The following ACACA variants were observed in gnomAD, a reference collection of about 807,000 sequenced individuals.
ACACA encodes the protein acetyl-CoA carboxylase 1.
In ACACA, 103 loss-of-function variants were observed where a neutral mutation model predicts 296.1. The ratio of observed to expected loss-of-function variants is 0.35; its 90% confidence interval spans 0.30 to 0.41. The LOEUF is 0.41. Among genes scored for constraint, ACACA ranks in the 10% least tolerant of loss-of-function variants. ACACA has a pLI of 1.00. For missense variants in ACACA, 1,554 were observed against 2,989.7 expected (o/e 0.52, Z 11.20); for synonymous variants, 953 against 1,038.6 (o/e 0.92, Z 1.58).
intron 39 of ACACA, among the ~76,000 whole-genome samples, chr17:37,185,323 C>T (rs990351314): frequency 6.6e-6 from 1 of 151,328 alleles, no homozygotes; most frequent in Non-Finnish European, 1.5e-5. Context: ...GCCTCAAACT[C>T]CGGGGCCCAA....
intron 1 of ACACA, among the ~76,000 whole-genome samples, chr17:37,351,380 T>C (rs1347996774): frequency 6.6e-6 from 1 of 152,158 alleles, no homozygotes; most frequent in African/African-American, 2.4e-5. Flanking sequence ...CGAGAATTGC[T>C]TGAACCCAGG....
In ACACA at chr17:37,129,421, A is replaced by G. The variant is rs752470706; in HGVS notation, c.5888T>C (p.Val1963Ala). 1 of 1,613,996 alleles carries G rather than the reference A, an allele frequency of 6.2e-7. No individual in the cohort carries two copies. Among genetic ancestry groups the G allele is most frequent in the African/African-American group, 1.3e-5 (1 of 74,920 alleles). ...AGGATCGTATGGGGTCTTTGTGGGA[A>G]CAAACTCGATGATTCTGTCTATAGG... Reference protein sequence around the residue: ...KDPIDRIIEFVPTKTPYDPRW... With the variant: ...KDPIDRIIEFAPTKTPYDPRW... Residue 1963 changes from valine to alanine, a missense_variant, in exon 47 of 56, where the codon GTT (valine) becomes GCT (alanine). Val to Ala is a moderately conservative substitution (Grantham distance 64, BLOSUM62 0). Transcript: ENST00000616317.
intron 22 of ACACA, among the ~76,000 whole-genome samples, chr17:37,243,104 T>A (rs1402192433): frequency 6.6e-6 from 1 of 152,134 alleles, no homozygotes. Flanking sequence ...TGAAAATACC[T>A]CTAATTAGGG....
At chr17:37,317,104 G>A (rs907893264) in intron 3 of ACACA, among the ~76,000 whole-genome samples, 6 of 150,532 alleles carry the variant, frequency 4.0e-5, no homozygotes, top group African/African-American at 9.7e-5. Flanking sequence ...GATTTGCAAT[G>A]ACATGAGAAA....
Position 37,245,003 on chromosome 17 carries a change from T to C in ACACA, c.2595+77A>G, listed in dbSNP as rs563665956. 2.8e-5 allele frequency: 45 copies of C among 1,598,220 alleles called. No individual in the cohort carries two copies. In the African/African-American group the frequency reaches 5.9e-4, roughly 21 times the overall value. ...AAAGAAAACACTGGCAAACCAAGCA[T>C]TGAAATCACTTGCCTCTCCAAACCA... On this transcript the variant is annotated intron_variant, in intron 20 of 55. Coordinates refer to ENST00000616317, the MANE Select transcript of ACACA (RefSeq NM_198834.3).
At chr17:37,231,075 G>C (rs868749699) in intron 25 of ACACA, among the ~76,000 whole-genome samples, 2 of 152,092 alleles carry the variant, frequency 1.3e-5, no homozygotes, top group African/African-American at 4.8e-5. Context: ...ATGATAAAAC[G>C]TTAAACCCAT....
chr17:37,110,471 G>C (rs2073920422), intron 52 of ACACA, among the ~76,000 whole-genome samples: 1 of 152,230 alleles, frequency 6.6e-6, no homozygotes, highest in Admixed American at 6.5e-5. Context: ...AGACTGTGGT[G>C]AGTTAGAGTT....
chr17:37,193,447 T>C, intron 35 of ACACA, 32 bp from the exon 36 acceptor site: 2 of 1,521,276 alleles, frequency 1.3e-6, no homozygotes, highest in South Asian at 2.2e-5. Flanking sequence ...AATGTGTCAG[T>C]AGTTCATAGA....
At chr17:37,212,641 CT>C (rs1006655517) in intron 29 of ACACA, among the ~76,000 whole-genome samples, 165 of 145,372 alleles carry the variant, frequency 1.1e-3, no homozygotes, top group Non-Finnish European at 1.5e-3. Context: ...TACATGTTTT[CT>C]TTTTTTTTTT....
At chr17:37,281,058 CT>C (rs34828277) in intron 5 of ACACA, among the ~76,000 whole-genome samples, 1,811 of 136,866 alleles carry the variant, frequency 0.013, 21 homozygotes, top group African/African-American at 0.034. Flanking sequence ...GTCTTTCTCT[CT>C]TTTTTTTTTT....
At chr17:37,162,755 G>A in intron 41 of ACACA, 1 of 203,384 alleles carries the variant, frequency 4.9e-6, no homozygotes, top group Non-Finnish European at 1.0e-5. Flanking sequence ...TCTGGTACTT[G>A]GTATCTCAGC....
At chr17:37,290,138 C>T (rs552492079) in intron 3 of ACACA, among the ~76,000 whole-genome samples, 205 of 152,250 alleles carry the variant, frequency 1.3e-3, no homozygotes, top group South Asian at 4.6e-3. Context: ...ACCTCCGCCT[C>T]CCAGGTTCAA....
At chr17:37,286,285 G>A (rs1311420415) in intron 3 of ACACA, among the ~76,000 whole-genome samples, 1 of 152,192 alleles carries the variant, frequency 6.6e-6, no homozygotes, top group Non-Finnish European at 1.5e-5. Flanking sequence ...AGTGGAAACA[G>A]CACAGGCCTG....
intron 33 of ACACA, among the ~76,000 whole-genome samples, chr17:37,204,763 A>G (rs1168568950): frequency 6.6e-6 from 1 of 152,212 alleles, no homozygotes; most frequent in African/African-American, 2.4e-5. Flanking sequence ...CAATGAACAC[A>G]GGTCTTTTCA....
intron 12 of ACACA, 35 bp from the exon 13 acceptor site, chr17:37,258,408 C>T: frequency 6.2e-7 from 1 of 1,605,232 alleles, no homozygotes; most frequent in Non-Finnish European, 8.5e-7. Context: ...TTTAATTTTT[C>T]AGTTACTTCC....
rs2080041925 is a variant in ACACA at position 37,235,014 on chromosome 17, A to G, written c.3207T>C (p.Ala1069=). ...CCAGAAGATTCTTCTTGGTGACTTG[A>G]GCGTGAGAGAAGATGTAGTTCAGTA... ...NTVLNYIFSH[A]QVTKKNLLVT... is the part of the protein sequence containing the mutation. Residue 1069 remains alanine, a synonymous_variant, in exon 25 of 56, where the codon GCT becomes GCC. Coordinates refer to ENST00000616317, the MANE Select transcript of ACACA (RefSeq NM_198834.3). The G allele has an allele frequency of 6.2e-7, 1 of 1,613,808 alleles. No individual in the cohort carries two copies. The highest frequency in any genetic ancestry group is 8.5e-7 in the Non-Finnish European group (1 of 1,179,944).
chr17:37,301,147 C>T (rs1012871744), intron 3 of ACACA, among the ~76,000 whole-genome samples: 3 of 152,270 alleles, frequency 2.0e-5, no homozygotes, highest in East Asian at 1.9e-4. Context: ...ACTCAATAAT[C>T]GAGTTTATGC....
At chr17:37,401,560 CCT>C (rs1491254079) in intron 1 of ACACA, among the ~76,000 whole-genome samples, 23 of 91,174 alleles carry the variant, frequency 2.5e-4, no homozygotes, top group African/African-American at 1.2e-3. Flanking sequence ...TGTCTCTTTA[CCT>C]TTTTTTTTTT....
At chr17:37,216,210 A>G (rs111848473) in intron 29 of ACACA, among the ~76,000 whole-genome samples, 23,318 of 133,402 alleles carry the variant, frequency 0.17, 4,184 homozygotes, top group African/African-American at 0.51. Flanking sequence ...GTGTGTGTGT[A>G]TATATATATA....
Sources: allele counts gnomAD v4.1 joint callset (sites outside exome capture counted in the v4.1 genomes callset), GRCh38; gene constraint gnomAD v4.1.1; transcripts MANE v1.5; gene names NCBI Gene and HGNC (gene_info 2026-07-23, HGNC 2026-07-21).